RLF: variants seen among roughly 807,000 people sequenced by gnomAD.
The protein encoded by RLF is RLF zinc finger.
A neutral mutation model predicts 162.9 loss-of-function variants in RLF; 7 were observed. The observed-to-expected ratio is 0.04, with a 90% CI of 0.02 to 0.08. The LOEUF is 0.08. Ranked by LOEUF, RLF falls within the 10% of genes least tolerant of loss-of-function variation. RLF has a pLI of 1.00. For synonymous variants in RLF, 782 were observed against 791.5 expected, an observed-to-expected ratio of 0.99 and a Z score of 0.20; for missense variants, 1,664 against 2,244.7, an observed-to-expected ratio of 0.74 and a Z score of 5.23.
At position 40,190,777 on chromosome 1, in the gene RLF, G is replaced by T; in HGVS notation, c.398G>T (p.Cys133Phe). The part of the protein sequence containing the change: ...LLVLGRLVLS[C>F]FELLLSVSES... ...CTTACTCATTTTTATTGTAGGAGTT[G>T]TTTCGAATTACTGCTTTCAGTGTCT... Residue 133 changes from cysteine (C) to phenylalanine (F), a missense_variant, in exon 3 of 8, where the codon TGT becomes TTT. Physicochemically the swap from Cys to Phe is radical, Grantham distance 205. Transcript: ENST00000372771. 1.2e-6 allele frequency: 2 copies of T among 1,608,342 alleles called. No individual in the cohort carries two copies. Among genetic ancestry groups the T allele is most frequent in the South Asian group, 1.1e-5 (1 of 90,688 alleles).
chr1:40,172,051 C>T (rs535669710), intron 1 of RLF, among the ~76,000 whole-genome samples: 1 of 152,238 alleles, frequency 6.6e-6, no homozygotes, highest in East Asian at 1.9e-4. Context: ...TATGTGTAGA[C>T]TTACTGTATT....
At chr1:40,201,443 G>A (rs1016608021) in intron 4 of RLF, among the ~76,000 whole-genome samples, 4 of 151,672 alleles carry the variant, frequency 2.6e-5, no homozygotes, top group Non-Finnish European at 5.9e-5. Flanking sequence ...GGCTAACAAC[G>A]GTGAAACCCC....
At chr1:40,206,524 G>C (rs575221397) in intron 5 of RLF, among the ~76,000 whole-genome samples, 1 of 152,190 alleles carries the variant, frequency 6.6e-6, no homozygotes, top group African/African-American at 2.4e-5. Context: ...TGGTTTTACT[G>C]TTGGCCTCTA....
intron 5 of RLF, among the ~76,000 whole-genome samples, 195 bp downstream of exon 5, chr1:40,202,809 A>G (rs1203632509): frequency 6.6e-6 from 1 of 152,186 alleles, no homozygotes; most frequent in Non-Finnish European, 1.5e-5. Context: ...TTTGAAAAGT[A>G]GATAACTAAA....
At chr1:40,231,081 C>T (rs904518591) in intron 6 of RLF, among the ~76,000 whole-genome samples, 1 of 151,960 alleles carries the variant, frequency 6.6e-6, no homozygotes, top group African/African-American at 2.4e-5. Context: ...CCTTTAAGAT[C>T]ACTGTATAGA....
chr1:40,165,164 T>C (rs1642148238), intron 1 of RLF, among the ~76,000 whole-genome samples: 1 of 152,240 alleles, frequency 6.6e-6, no homozygotes. Context: ...TTCTTAGCTT[T>C]GTAATAAAAA....
intron 1 of RLF, among the ~76,000 whole-genome samples, chr1:40,165,501 C>G (rs1210047427): frequency 1.3e-5 from 2 of 152,018 alleles, no homozygotes; most frequent in African/African-American, 4.8e-5. Context: ...TCTTTAGGGC[C>G]CAGTATAAAT....
At chr1:40,185,560 C>G (rs1642464303) in intron 1 of RLF, among the ~76,000 whole-genome samples, 1 of 123,916 alleles carries the variant, frequency 8.1e-6, no homozygotes, top group African/African-American at 2.9e-5. Context: ...CGCAGTGGCT[C>G]CCAGCACTTT....
chr1:40,236,380 T>C lies in RLF; in HGVS notation c.1678T>C (p.Cys560Arg), dbSNP rs1372189430. 6.2e-7 allele frequency: 1 copy of C among 1,613,986 alleles called. No homozygotes were observed. The highest frequency in any genetic ancestry group is 1.3e-5 in the African/African-American group (1 of 74,926). Residue 560 changes from cysteine (C) to arginine (R), a missense_variant, in exon 8 of 8, where the codon TGT (cysteine) becomes CGT (arginine). By Grantham distance (180) the Cys-to-Arg change is radical. Coordinates refer to ENST00000372771, the MANE Select transcript of RLF (RefSeq NM_012421.4). This position sits in a 1 kb window ranked among gnomAD's most constrained non-coding sequence, Gnocchi z 7.7. ...WLQYKFFCLL[C>R]KRECIEARIL... is the part of the protein sequence containing the mutation. Reference sequence around the variant, plus strand: ...TCAGTACAAGTTTTTCTGTTTGTTATGTAAGCGGGAATGTATAGAGGCTAG... The same window carrying C: ...TCAGTACAAGTTTTTCTGTTTGTTACGTAAGCGGGAATGTATAGAGGCTAG...
intron 6 of RLF, among the ~76,000 whole-genome samples, chr1:40,230,126 A>G (rs6700946): frequency 0.078 from 11,900 of 151,996 alleles, 575 homozygotes; most frequent in East Asian, 0.22. Context: ...AAAAAAAAAA[A>G]AAGAAGAAAA....
chr1:40,179,791 A>G (rs770988262), intron 1 of RLF, among the ~76,000 whole-genome samples: 1 of 152,002 alleles, frequency 6.6e-6, no homozygotes, highest in Non-Finnish European at 1.5e-5. Context: ...TCATTCTACT[A>G]TCTGTCTCTA....
At chr1:40,180,337 T>C (rs1326871269) in intron 1 of RLF, among the ~76,000 whole-genome samples, 1 of 152,138 alleles carries the variant, frequency 6.6e-6, no homozygotes. Context: ...TGACTCATTG[T>C]AACCTCTGCC....
intron 5 of RLF, among the ~76,000 whole-genome samples, chr1:40,216,488 A>T (rs775268368): frequency 0.012 from 1,511 of 128,624 alleles, 15 homozygotes; most frequent in Non-Finnish European, 0.02. Context: ...AACTCTGTCT[A>T]AAAAAAAAAA....
rs149652345 is a variant in RLF at position 40,239,161 on chromosome 1, C to T, written c.4459C>T (p.Leu1487=). 3 of 1,614,028 alleles carry T rather than the reference C, an allele frequency of 1.9e-6. No homozygotes were observed. The highest frequency in any genetic ancestry group is 3.3e-5 in the Admixed American group (2 of 60,004). Residue 1487 remains leucine (L), a synonymous_variant, in exon 8 of 8, where the codon CTA becomes TTA. Coordinates refer to ENST00000372771, the MANE Select transcript of RLF (RefSeq NM_012421.4). ...AAGCCAGAAAGTAGCAAATGAGAGACTACTAAGGAGTGAAAAGGTATGTCA... is the reference window on the plus strand; with the variant it reads ...AAGCCAGAAAGTAGCAAATGAGAGATTACTAAGGAGTGAAAAGGTATGTCA... ...FRSQKVANER[L]LRSEKVCQTA...
In RLF at chr1:40,239,873, AAGAATC is replaced by A. The variant is rs770087349; in HGVS notation, c.5176_5181del (p.Ser1726_Glu1727del). 1.2e-6 allele frequency: 2 copies of A among 1,613,918 alleles called. No individual in the cohort carries two copies. Among genetic ancestry groups the A allele is most frequent in the East Asian group, 4.5e-5 (2 of 44,890 alleles). Reference sequence around the variant, plus strand: ...TTCCAGCTGCCTTTACCAAGGATCAAAGAATCAGAAACTAGGCAGCATAGTTCAGGG... The same window carrying A: ...TTCCAGCTGCCTTTACCAAGGATCAAAGAAACTAGGCAGCATAGTTCAGGG... On this transcript the variant is annotated inframe_deletion, in exon 8 of 8. Coordinates refer to ENST00000372771, the MANE Select transcript of RLF (RefSeq NM_012421.4).
chr1:40,183,328 A>G (rs912022193), intron 1 of RLF, among the ~76,000 whole-genome samples: 2 of 152,212 alleles, frequency 1.3e-5, no homozygotes, highest in African/African-American at 4.8e-5. Flanking sequence ...ATTAGAAAAC[A>G]CATAACTTCC....
intron 4 of RLF, among the ~76,000 whole-genome samples, chr1:40,201,778 G>C (rs938598319): frequency 6.6e-6 from 1 of 152,064 alleles, no homozygotes; most frequent in African/African-American, 2.4e-5. Context: ...ACTGAACCAG[G>C]AACACATGTT....
At position 40,202,442 on chromosome 1, in the gene RLF, C is replaced by T. The variant is rs1475197866; in HGVS notation, c.638C>T (p.Ser213Phe). The change falls in exon 5 of 8, where the codon TCC (serine) becomes TTC (phenylalanine). Residue 213 changes from serine to phenylalanine, a missense_variant. Around this residue, in one of 15 missense-constraint regions of RLF, gnomAD observed 287 missense variants for 404.9 expected, o/e 0.71. Coordinates refer to ENST00000372771, the MANE Select transcript of RLF (RefSeq NM_012421.4). ...VNKLIAQEGP[S>F]FLQMRIKHLL... ...AAATTGATTGCACAAGAAGGACCTTCCTTTCTGCAAATGCGAATAAAACAT... is the reference window on the plus strand; with the variant it reads ...AAATTGATTGCACAAGAAGGACCTTTCTTTCTGCAAATGCGAATAAAACAT... The T allele has an allele frequency of 6.3e-7, 1 of 1,577,342 alleles. No homozygotes were observed. Among genetic ancestry groups the T allele is most frequent in the East Asian group, 2.3e-5 (1 of 42,712 alleles).
At position 40,161,454 on chromosome 1, in the gene RLF, C is replaced by G. The variant is rs763606038; in HGVS notation, c.55C>G (p.Pro19Ala). Residue 19 changes from proline to alanine, a missense_variant, in exon 1 of 8, where the codon CCG (proline) becomes GCG (alanine). Physicochemically the swap from Pro to Ala is conservative, Grantham distance 27 (BLOSUM62 -1). Transcript: ENST00000372771. The surrounding 1 kb of genome is among the most constrained non-coding windows in gnomAD (Gnocchi z 4.4). Reference sequence around the variant, plus strand: ...TGTCGCCGGGGCTGGGGCTGAGGCTCCGGCGGTAGCGGGAGCCGGAGATGG... The same window carrying G: ...TGTCGCCGGGGCTGGGGCTGAGGCTGCGGCGGTAGCGGGAGCCGGAGATGG... ...AAVAGAGAEAPAVAGAGDGVE... is the reference protein window; with the variant it reads ...AAVAGAGAEAAAVAGAGDGVE... 3 of 1,577,520 alleles carry G rather than the reference C, an allele frequency of 1.9e-6. No individual in the cohort carries two copies. The highest frequency in any genetic ancestry group is 2.6e-6 in the Non-Finnish European group (3 of 1,163,956).
Sources: gnomAD v4.1 joint callset for allele counts (sites outside exome capture counted in the v4.1 genomes callset) on GRCh38, gnomAD v4.1.1 for gene constraint, gnomAD v4.1.1 regional missense constraint, Gnocchi (gnomAD v3.1) non-coding constraint, MANE v1.5 for transcripts, NCBI Gene and HGNC (gene_info 2026-07-23, HGNC 2026-07-21) for gene names.